LRRC4C: variants seen among roughly 807,000 people sequenced by gnomAD.
LRRC4C encodes leucine-rich repeat-containing protein 4C.
LRRC4C carries 5 observed loss-of-function variants against 33.6 expected under a neutral mutation model. The ratio of observed to expected loss-of-function variants is 0.15; its 90% CI spans 0.08 to 0.31. The LOEUF (loss-of-function observed/expected upper bound fraction) is 0.31. LRRC4C is among the 10% of genes least tolerant of loss of function. The probability of loss-of-function intolerance (pLI) is 1.00; values close to 1 mark genes in which losing one functional copy is unlikely to be tolerated. For missense variants in LRRC4C, 560 were observed against 796.7 expected, an observed-to-expected ratio of 0.70 and a Z score of 3.58; for synonymous variants, 329 against 302.0, an observed-to-expected ratio of 1.09 and a Z score of -0.93.
intron 3 of LRRC4C, among the ~76,000 whole-genome samples, chr11:40,493,205 T>G (rs182296922): frequency 1.3e-3 from 191 of 152,072 alleles, no homozygotes; most frequent in African/African-American, 4.4e-3. Context: ...ACAGACTACT[T>G]TAAGAATGGG....
chr11:40,746,119 G>A (rs999540391), intron 2 of LRRC4C, among the ~76,000 whole-genome samples: 1 of 152,180 alleles, frequency 6.6e-6, no homozygotes, highest in African/African-American at 2.4e-5. Flanking sequence ...GGAGCTGAAA[G>A]AGGGTCCCCA....
At chr11:41,136,482 A>G (rs1251027785) in intron 1 of LRRC4C, among the ~76,000 whole-genome samples, 1 of 152,206 alleles carries the variant, frequency 6.6e-6, no homozygotes, top group African/African-American at 2.4e-5. Context: ...TCATACATCA[A>G]GAATGCATGA....
In LRRC4C at chr11:41,278,050, G is replaced by C. The variant is rs376535256; in HGVS notation, c.-496+181381C>G. Among the ~76,000 whole-genome samples the C allele has an allele frequency of 2.5e-4, 38 of 152,186 alleles. 1 individual carries two copies. Among genetic ancestry groups the C allele is most frequent in the African/African-American group, 8.7e-4 (36 of 41,540 alleles). On this transcript the variant is annotated intron_variant, in intron 1 of 6. Transcript: ENST00000528697. ...GCTGGGGTGATTATGGAAGAGAAAG[G>C]CTGGGAGATGTTGGTCACAGGATGC...
intron 1 of LRRC4C, among the ~76,000 whole-genome samples, chr11:40,973,992 C>A (rs1851908245): frequency 6.6e-6 from 1 of 151,936 alleles, no homozygotes; most frequent in Admixed American, 6.6e-5. Flanking sequence ...TGTGTGCAAA[C>A]CAGCCACTGT....
At chr11:40,584,449 C>T (rs1218025330) in intron 3 of LRRC4C, among the ~76,000 whole-genome samples, 5 of 151,634 alleles carry the variant, frequency 3.3e-5, no homozygotes, top group African/African-American at 9.7e-5. Context: ...AGATAATAAC[C>T]CTCCAACCTA....
chr11:40,460,566 A>T (rs1371124461), intron 3 of LRRC4C, among the ~76,000 whole-genome samples: 2 of 152,212 alleles, frequency 1.3e-5, no homozygotes, highest in Non-Finnish European at 2.9e-5. Flanking sequence ...GCCTAACAAA[A>T]GTAAACATTT....
At chr11:41,071,941 G>C (rs1371687858) in intron 1 of LRRC4C, among the ~76,000 whole-genome samples, 2 of 152,128 alleles carry the variant, frequency 1.3e-5, no homozygotes, top group Non-Finnish European at 2.9e-5. Context: ...CTGCAGATGT[G>C]ATAGAAATAG....
intron 2 of LRRC4C, among the ~76,000 whole-genome samples, chr11:40,839,038 C>A (rs1952802161): frequency 6.6e-6 from 1 of 152,012 alleles, no homozygotes; most frequent in Non-Finnish European, 1.5e-5. Context: ...ACAGAAGAGA[C>A]CATCAACTTT....
intron 3 of LRRC4C, among the ~76,000 whole-genome samples, chr11:40,345,221 A>C (rs1400324461): frequency 6.6e-6 from 1 of 152,156 alleles, no homozygotes; most frequent in East Asian, 1.9e-4. Flanking sequence ...ATGGAACCAG[A>C]AAAGATCCCA....
At chr11:40,705,899 T>A (rs1946146945) in intron 2 of LRRC4C, among the ~76,000 whole-genome samples, 1 of 152,210 alleles carries the variant, frequency 6.6e-6, no homozygotes, top group African/African-American at 2.4e-5. Flanking sequence ...ATCACCATTC[T>A]AACTGGTGTG....
At position 40,648,250 on chromosome 11, in the gene LRRC4C, A is replaced by G. The variant is rs1277181184; in HGVS notation, c.-378T>C. ...GGATGTTTCCATATTGTTAATCCGCATAAGTTATTCTTGCTTTTCCAGTAA... is the reference window on the plus strand; with the variant it reads ...GGATGTTTCCATATTGTTAATCCGCGTAAGTTATTCTTGCTTTTCCAGTAA... On this transcript the variant is annotated 5_prime_UTR_variant, in exon 3 of 7. It removes an upstream start codon present in the reference 5' UTR. Transcript: ENST00000528697. The G allele has an allele frequency of 7.2e-5, 11 of 152,180 alleles. No homozygotes were observed. Among genetic ancestry groups the G allele is most frequent in the Admixed American group, 5.2e-4 (8 of 15,280 alleles). 9.4% of individuals were successfully genotyped at this position (152,180 alleles called of 1,614,324 possible).
In LRRC4C at chr11:40,898,996, T is replaced by A. The variant is rs940549949; in HGVS notation, c.-407+34639A>T. Among the ~76,000 whole-genome samples, 5 of 152,178 alleles carry A rather than the reference T, an allele frequency of 3.3e-5. No individual in the cohort carries two copies. In the East Asian group the frequency reaches 9.7e-4, roughly 29 times the overall value. On this transcript the variant is annotated intron_variant, in intron 2 of 6. Coordinates refer to ENST00000528697, the MANE Select transcript of LRRC4C (RefSeq NM_001258419.2). The stretch of plus-strand genomic sequence containing the variant: ...AACTTTTTGGAAGAAGTTATTGAAT[T>A]TTGACCACAGAATATACTGCATTCT...
chr11:40,744,198 TAAAC>T (rs1439194363), intron 2 of LRRC4C, among the ~76,000 whole-genome samples: 2 of 152,104 alleles, frequency 1.3e-5, no homozygotes, highest in Non-Finnish European at 2.9e-5. Flanking sequence ...TGACACATAA[TAAAC>T]AAATATTTAG....
chr11:40,999,571 A>G (rs1854221614), intron 1 of LRRC4C, among the ~76,000 whole-genome samples: 3 of 152,160 alleles, frequency 2.0e-5, no homozygotes, highest in Admixed American at 2.0e-4. Context: ...TTAAGGGAAC[A>G]ACCGTCCCAT....
chr11:40,891,732 T>G (rs1955715126), intron 2 of LRRC4C, among the ~76,000 whole-genome samples: 1 of 152,066 alleles, frequency 6.6e-6, no homozygotes. Context: ...ATTGCTTATA[T>G]CCAAAAGAAA....
intron 4 of LRRC4C, among the ~76,000 whole-genome samples, chr11:40,266,015 A>G (rs1942229820): frequency 1.3e-5 from 2 of 152,156 alleles, no homozygotes; most frequent in Non-Finnish European, 2.9e-5. Flanking sequence ...AAAGAAGAGG[A>G]TGCTGGGCAT....
chr11:40,787,637 T>C (rs117201098), intron 2 of LRRC4C, among the ~76,000 whole-genome samples: 1 of 152,110 alleles, frequency 6.6e-6, no homozygotes, highest in Non-Finnish European at 1.5e-5. Flanking sequence ...GAAAAGGAGG[T>C]GAAAATGAAT....
chr11:40,855,923 T>C (rs11036099), intron 2 of LRRC4C, among the ~76,000 whole-genome samples: 3,422 of 151,938 alleles, frequency 0.023, 52 homozygotes, highest in Non-Finnish European at 0.033. Flanking sequence ...TATTATACTA[T>C]ATTTTATGTT....
chr11:41,360,836 T>C (rs1952330307), intron 1 of LRRC4C, among the ~76,000 whole-genome samples: 1 of 152,142 alleles, frequency 6.6e-6, no homozygotes, highest in South Asian at 2.1e-4. Context: ...TGTTTTTTGA[T>C]TTATTAGTTT....
Sources: allele counts gnomAD v4.1 joint callset (sites outside exome capture counted in the v4.1 genomes callset), GRCh38; gene constraint gnomAD v4.1.1; transcripts MANE v1.5; gene names NCBI Gene and HGNC (gene_info 2026-07-23, HGNC 2026-07-21).